Variants in CCPG1 observed in about 807,000 individuals in gnomAD.
The protein encoded by CCPG1 is cell cycle progression 1, also known as cell cycle progression protein 1.
CCPG1 carries 46 observed loss-of-function variants against 81.3 expected under a neutral mutation model. That is an observed-to-expected ratio of 0.57 (90% confidence interval 0.45 to 0.72). The LOEUF is 0.72. CCPG1 is among the 30% of genes least tolerant of loss of function. The probability of loss-of-function intolerance (pLI) is 0.00; values close to 1 mark genes in which losing one functional copy is unlikely to be tolerated. For synonymous variants in CCPG1, 330 were observed against 305.2 expected (o/e 1.08, Z -0.85); for missense variants, 902 against 937.6 (o/e 0.96, Z 0.50).
At chr15:55,393,470 C>T (rs1324452936) in intron 1 of CCPG1, among the ~76,000 whole-genome samples, 2 of 151,936 alleles carry the variant, frequency 1.3e-5, no homozygotes, top group Non-Finnish European at 2.9e-5. Context: ...GATAGGGAAG[C>T]AACTCAACAA....
chr15:55,405,823 A>G (rs900755103), intron 1 of CCPG1, among the ~76,000 whole-genome samples: 1 of 152,168 alleles, frequency 6.6e-6, no homozygotes, highest in African/African-American at 2.4e-5. Context: ...CATATAGTCT[A>G]CAGATGCAGC....
rs990619673 is a variant in CCPG1, at chr15:55,355,754, G to C, written c.*466C>G. ...AGGGCAGCAAATTCTTCACAAGTCA[G>C]AGGGCTCTTGAACCCACAAAAAGAC... On this transcript the variant is annotated 3_prime_UTR_variant, in exon 9 of 9. Coordinates refer to ENST00000442196, the MANE Select transcript of CCPG1 (RefSeq NM_001204450.2). 6 of 230,832 alleles carry C rather than the reference G, an allele frequency of 2.6e-5. No individual in the cohort carries two copies. The highest frequency in any genetic ancestry group is 4.1e-5 in the Non-Finnish European group (5 of 120,850). 14.3% of individuals were successfully genotyped at this position (230,832 alleles called of 1,614,324 possible).
chr15:55,387,176 G>T (rs1482631369), intron 2 of CCPG1, among the ~76,000 whole-genome samples: 1 of 152,192 alleles, frequency 6.6e-6, no homozygotes, highest in Non-Finnish European at 1.5e-5. Context: ...GATTCAATCT[G>T]GGACATAACA....
At chr15:55,368,857 A>AAT (rs1566969866) in intron 6 of CCPG1, among the ~76,000 whole-genome samples, 1 of 152,214 alleles carries the variant, frequency 6.6e-6, no homozygotes, top group East Asian at 1.9e-4. Flanking sequence ...CACGCCTATA[A>AAT]TCCCAGCACT....
chr15:55,401,173 A>C (rs1252354789), intron 1 of CCPG1, among the ~76,000 whole-genome samples: 1 of 152,176 alleles, frequency 6.6e-6, no homozygotes, highest in Admixed American at 6.5e-5. Flanking sequence ...CAAATATTGA[A>C]TATTCCACAC....
chr15:55,360,491 G>GT lies in CCPG1; in HGVS notation c.1281dup (p.Arg428ThrfsTer6). On this transcript the variant is annotated frameshift_variant, in exon 8 of 9. Transcript: ENST00000442196. LOFTEE classifies it high-confidence loss of function. ...CGTTCCAGCTCAGTGAGTCTTTCCC[G>GT]TAAGATTGCTATTTCCTTTTTTTCA... is the stretch of plus-strand genomic sequence containing the variant. The GT allele has an allele frequency of 6.2e-7, 1 of 1,613,962 alleles. No individual in the cohort carries two copies. The highest frequency in any genetic ancestry group is 8.5e-7 in the Non-Finnish European group (1 of 1,180,006).
In CCPG1 at chr15:55,355,383, T is replaced by A; in HGVS notation, c.*837A>T. The A allele has an allele frequency of 6.2e-7, 1 of 1,610,854 alleles. No homozygotes were observed. Among genetic ancestry groups the A allele is most frequent in the Non-Finnish European group, 8.5e-7 (1 of 1,178,092 alleles). On this transcript the variant is annotated 3_prime_UTR_variant, in exon 9 of 9. Transcript: ENST00000442196. The stretch of plus-strand genomic sequence containing the variant: ...GGTCGAATTGGAAGTCACATATATG[T>A]CTATGAACGGAAGTTAAAAGGGAAA...
intron 5 of CCPG1, among the ~76,000 whole-genome samples, chr15:55,375,015 G>A (rs983640340): frequency 6.6e-6 from 1 of 152,268 alleles, no homozygotes; most frequent in African/African-American, 2.4e-5. Context: ...TTTCAGTATA[G>A]TCCAAAATTT....
At chr15:55,391,500 T>C (rs901216570) in intron 1 of CCPG1, among the ~76,000 whole-genome samples, 1 of 152,194 alleles carries the variant, frequency 6.6e-6, no homozygotes, top group African/African-American at 2.4e-5. Context: ...CAATGTCTAT[T>C]TGTATGAGAA....
In CCPG1 at chr15:55,355,551, A is replaced by C; in HGVS notation, c.*669T>G. On this transcript the variant is annotated 3_prime_UTR_variant, in exon 9 of 9. Transcript: ENST00000442196. The stretch of plus-strand genomic sequence containing the variant: ...AAAAAGCTGTATGAACTGCTTTACC[A>C]AATATCACTACTGAGGAAATGTATA... 1 of 719,742 alleles carries C rather than the reference A, an allele frequency of 1.4e-6. No individual in the cohort carries two copies. Among genetic ancestry groups the C allele is most frequent in the Non-Finnish European group, 2.3e-6 (1 of 434,618 alleles). The allele number at this position is 719,742 out of a possible 1,614,324, so 44.6% of individuals were successfully genotyped here.
At chr15:55,367,988 G>A (rs777561758) in intron 6 of CCPG1, among the ~76,000 whole-genome samples, 1 of 151,970 alleles carries the variant, frequency 6.6e-6, no homozygotes, top group African/African-American at 2.4e-5. Flanking sequence ...CTGATAGCAG[G>A]TTACTCAATA....
intron 3 of CCPG1, among the ~76,000 whole-genome samples, chr15:55,385,075 C>T (rs2056773136): frequency 6.6e-6 from 1 of 152,102 alleles, no homozygotes. Flanking sequence ...TATCTGAAAA[C>T]CCAAAAATAT....
At chr15:55,372,114 G>T in intron 5 of CCPG1, 70 bp from the exon 6 acceptor site, 2 of 1,447,940 alleles carry the variant, frequency 1.4e-6, no homozygotes, top group Non-Finnish European at 9.5e-7. Context: ...AAATTATTTA[G>T]AATAATCAAT....
intron 3 of CCPG1, 103 bp from the exon 4 acceptor site, chr15:55,378,479 A>C (rs2056611396): frequency 1.7e-6 from 1 of 593,304 alleles, no homozygotes; most frequent in Admixed American, 3.3e-5. Context: ...TCTCTTCCTA[A>C]TATGTTAGGA....
At chr15:55,406,436 CTTTTTTTT>C (rs143238270) in intron 1 of CCPG1, among the ~76,000 whole-genome samples, 3 of 126,274 alleles carry the variant, frequency 2.4e-5, no homozygotes, top group Non-Finnish European at 4.9e-5. Flanking sequence ...TTCTTTTTCT[CTTTTTTTT>C]TTTTTGTTTT....
chr15:55,380,431 G>A (rs2056661221), intron 3 of CCPG1, among the ~76,000 whole-genome samples: 1 of 151,386 alleles, frequency 6.6e-6, no homozygotes, highest in Admixed American at 6.6e-5. Flanking sequence ...AAGTAGCTGG[G>A]ACTACAGGCG....
chr15:55,365,465 C>T (rs1455579352), intron 6 of CCPG1, among the ~76,000 whole-genome samples, 156 bp from the exon 7 acceptor site: 1 of 137,210 alleles, frequency 7.3e-6, no homozygotes, highest in Non-Finnish European at 1.5e-5. Flanking sequence ...GAGTCTTGCT[C>T]CATTGCCCAG....
chr15:55,393,328 T>C (rs915955881), intron 1 of CCPG1, among the ~76,000 whole-genome samples: 1 of 152,038 alleles, frequency 6.6e-6, no homozygotes, highest in African/African-American at 2.4e-5. Flanking sequence ...TTGTCCTAGC[T>C]ACTTGGGAAG....
At chr15:55,378,957 T>C (rs1421811408) in intron 3 of CCPG1, among the ~76,000 whole-genome samples, 1 of 151,864 alleles carries the variant, frequency 6.6e-6, no homozygotes, top group Non-Finnish European at 1.5e-5. Flanking sequence ...CTACCTTACA[T>C]TACCAAATTA....
Sources: gnomAD v4.1 joint callset for allele counts (sites outside exome capture counted in the v4.1 genomes callset) on GRCh38, gnomAD v4.1.1 for gene constraint, MANE v1.5 for transcripts, NCBI Gene and HGNC (gene_info 2026-07-23, HGNC 2026-07-21) for gene names.